Variants in CNTNAP4 observed in about 807,000 individuals in gnomAD.
The protein encoded by CNTNAP4 is contactin associated protein family member 4.
A neutral mutation model predicts 148.4 loss-of-function variants in CNTNAP4; 98 were observed. That is an observed-to-expected ratio of 0.66 (90% CI 0.56 to 0.78). CNTNAP4 has a LOEUF of 0.78. Ranked by LOEUF, CNTNAP4 falls within the 30% of genes least tolerant of loss-of-function variation. CNTNAP4 has a pLI of 0.00. For synonymous variants in CNTNAP4, 730 were observed against 565.1 expected, an observed-to-expected ratio of 1.29 and a Z score of -4.14; for missense variants, 1,935 against 1,565.6, an observed-to-expected ratio of 1.24 and a Z score of -3.98.
intron 1 of CNTNAP4, among the ~76,000 whole-genome samples, chr16:76,283,214 T>C (rs2143756388): frequency 6.6e-6 from 1 of 152,128 alleles, no homozygotes; most frequent in Non-Finnish European, 1.5e-5. Flanking sequence ...GTTTAAATAC[T>C]ATGTTTAAAA....
At chr16:76,455,944 T>C (rs551719076) in intron 8 of CNTNAP4, among the ~76,000 whole-genome samples, 59 of 152,306 alleles carry the variant, frequency 3.9e-4, no homozygotes, top group African/African-American at 1.4e-3. Context: ...ACGTAAATCT[T>C]TTTTCTCCTG....
intron 3 of CNTNAP4, among the ~76,000 whole-genome samples, chr16:76,403,435 A>G (rs945493904): frequency 2.0e-5 from 3 of 152,244 alleles, no homozygotes; most frequent in Non-Finnish European, 2.9e-5. Flanking sequence ...GCTAACAAGC[A>G]TATGAAGAAA....
At chr16:76,374,768 A>AG (rs1214628314) in intron 3 of CNTNAP4, among the ~76,000 whole-genome samples, 4 of 149,068 alleles carry the variant, frequency 2.7e-5, no homozygotes, top group Admixed American at 1.3e-4. Flanking sequence ...TATTATTATT[A>AG]TTATTATTAT....
At chr16:76,316,203 G>A (rs1961720573) in intron 1 of CNTNAP4, 1 of 592,610 alleles carries the variant, frequency 1.7e-6, no homozygotes, top group Non-Finnish European at 3.0e-6. Context: ...GATTTTTAAA[G>A]TATTTTCATA....
At chr16:76,354,190 C>G (rs1019811671) in intron 2 of CNTNAP4, among the ~76,000 whole-genome samples, 1 of 152,114 alleles carries the variant, frequency 6.6e-6, no homozygotes, top group African/African-American at 2.4e-5. Flanking sequence ...GAGTCAAACC[C>G]TATTTCGTAA....
At chr16:76,380,158 T>C (rs759758412) in intron 3 of CNTNAP4, among the ~76,000 whole-genome samples, 2 of 152,188 alleles carry the variant, frequency 1.3e-5, no homozygotes, top group Non-Finnish European at 2.9e-5. Flanking sequence ...GCCCTATGCA[T>C]TTAGAATTAG....
At chr16:76,428,496 G>A (rs1261821402) in intron 4 of CNTNAP4, among the ~76,000 whole-genome samples, 1 of 151,334 alleles carries the variant, frequency 6.6e-6, no homozygotes, top group Non-Finnish European at 1.5e-5. Context: ...ACTTTGTGAT[G>A]TAAGCCAAGT....
At chr16:76,439,345 A>G (rs2079952539) in intron 4 of CNTNAP4, among the ~76,000 whole-genome samples, 1 of 152,178 alleles carries the variant, frequency 6.6e-6, no homozygotes, top group Non-Finnish European at 1.5e-5. Context: ...TGTTATTATT[A>G]AAATCATAAC....
chr16:76,534,966 C>G (rs992618548), intron 17 of CNTNAP4, among the ~76,000 whole-genome samples: 49 of 152,154 alleles, frequency 3.2e-4, no homozygotes, highest in African/African-American at 1.0e-3. Flanking sequence ...AAGCATAAAA[C>G]ACTGAACACT....
At chr16:76,462,630 G>A (rs2081020307) in intron 9 of CNTNAP4, among the ~76,000 whole-genome samples, 1 of 152,130 alleles carries the variant, frequency 6.6e-6, no homozygotes, top group African/African-American at 2.4e-5. Context: ...TTCGACACCA[G>A]CTCATCTCCC....
chr16:76,458,527 A>C (rs2080820275), intron 8 of CNTNAP4, among the ~76,000 whole-genome samples: 1 of 152,086 alleles, frequency 6.6e-6, no homozygotes, highest in East Asian at 1.9e-4. Flanking sequence ...GATTTGAGAC[A>C]GTGACCATCA....
intron 4 of CNTNAP4, among the ~76,000 whole-genome samples, chr16:76,447,672 A>G (rs1312908779): frequency 6.6e-6 from 1 of 152,208 alleles, no homozygotes. Context: ...AGTATTCAAT[A>G]AATTACATGA....
intron 3 of CNTNAP4, among the ~76,000 whole-genome samples, chr16:76,355,814 CAAAA>C (rs909182284): frequency 3.3e-5 from 5 of 151,152 alleles, no homozygotes; most frequent in African/African-American, 1.2e-4. Context: ...AAGTTTTGTT[CAAAA>C]ACATAATAGT....
intron 1 of CNTNAP4, among the ~76,000 whole-genome samples, chr16:76,298,850 T>C (rs1318806166): frequency 6.6e-6 from 1 of 151,998 alleles, no homozygotes; most frequent in Non-Finnish European, 1.5e-5. Flanking sequence ...TTAATACCAA[T>C]AGTGAGTTGG....
At chr16:76,378,844 G>T (rs1316595343) in intron 3 of CNTNAP4, among the ~76,000 whole-genome samples, 1 of 152,190 alleles carries the variant, frequency 6.6e-6, no homozygotes, top group African/African-American at 2.4e-5. Flanking sequence ...CCAAGAGGAG[G>T]CCTGTGCATC....
intron 4 of CNTNAP4, among the ~76,000 whole-genome samples, chr16:76,431,127 G>T (rs2079590637): frequency 6.6e-6 from 1 of 152,298 alleles, no homozygotes; most frequent in East Asian, 1.9e-4. Context: ...AAAGTTTATA[G>T]CAGTAGATTT....
intron 9 of CNTNAP4, among the ~76,000 whole-genome samples, chr16:76,465,900 A>G (rs1357457027): frequency 6.6e-6 from 1 of 152,220 alleles, no homozygotes; most frequent in Non-Finnish European, 1.5e-5. Context: ...TTTACTTGCC[A>G]TGTAAATGTA....
At chr16:76,345,412 G>T (rs765667152) in intron 2 of CNTNAP4, among the ~76,000 whole-genome samples, 19 of 152,304 alleles carry the variant, frequency 1.2e-4, no homozygotes, top group Admixed American at 3.3e-4. Flanking sequence ...AAGAAAAATT[G>T]CACTGAATTG....
At chr16:76,416,402 A>G (rs1261677131) in intron 3 of CNTNAP4, among the ~76,000 whole-genome samples, 2 of 151,520 alleles carry the variant, frequency 1.3e-5, no homozygotes, top group East Asian at 1.9e-4. Context: ...ATTTAATGCT[A>G]CAAATTTTCC....
Sources: gnomAD v4.1 joint callset for allele counts (sites outside exome capture counted in the v4.1 genomes callset) on GRCh38, gnomAD v4.1.1 for gene constraint, MANE v1.5 for transcripts, NCBI Gene and HGNC (gene_info 2026-07-23, HGNC 2026-07-21) for gene names.